The following C19orf18 variants were observed in gnomAD, a reference collection of about 807,000 sequenced individuals.
C19orf18 encodes uncharacterized protein C19orf18.
C19orf18 carries 21 observed loss-of-function variants against 23.3 expected under a neutral mutation model. The observed-to-expected ratio is 0.90, with a 90% CI of 0.64 to 1.30. C19orf18 has a LOEUF of 1.30. C19orf18 is among the 50% of genes most tolerant of loss of function. C19orf18 has a pLI of 0.00. For synonymous variants in C19orf18, 96 were observed against 95.2 expected (o/e 1.01, Z -0.05); for missense variants, 249 against 259.6 (o/e 0.96, Z 0.28).
At chr19:57,963,341 T>C (rs1235993963) in intron 4 of C19orf18, among the ~76,000 whole-genome samples, 1 of 151,892 alleles carries the variant, frequency 6.6e-6, no homozygotes, top group Non-Finnish European at 1.5e-5. Context: ...TAACTCAGTA[T>C]TTTTAAAAAT....
chr19:57,974,056 G>A, intron 2 of C19orf18, 43 bp downstream of exon 2: 1 of 1,582,670 alleles, frequency 6.3e-7, no homozygotes, highest in East Asian at 2.2e-5. Flanking sequence ...AGGACTCCAG[G>A]CTACGATTCT....
chr19:57,966,101 C>T (rs951703295), intron 4 of C19orf18, among the ~76,000 whole-genome samples: 1 of 151,896 alleles, frequency 6.6e-6, no homozygotes, highest in Admixed American at 6.6e-5. Context: ...CCTCAGCCTC[C>T]CGAGGAGCCG....
rs555978536 is a variant in C19orf18, at chr19:57,970,511, C to T, written c.268+1952G>A. ...AAACTCTGTACTTAATCATATTTGT[C>T]GAACTTCATTATTTAAGCTTGGCAG... On this transcript the variant is annotated intron_variant, in intron 3 of 5. Coordinates refer to ENST00000314391, the MANE Select transcript of C19orf18 (RefSeq NM_152474.5). 1.2e-4 allele frequency among the ~76,000 whole-genome samples: 19 copies of T among 152,132 alleles called. No homozygotes were observed. In the East Asian group the frequency reaches 3.7e-3, roughly 29 times the overall value.
chr19:57,958,862 C>T (rs1223911928), intron 5 of C19orf18, 145 bp from the exon 6 acceptor site: 3 of 513,850 alleles, frequency 5.8e-6, no homozygotes, highest in Non-Finnish European at 1.0e-5. Flanking sequence ...ATTTGTCTGA[C>T]AAGGATGGTG....
chr19:57,974,219 T>G lies in C19orf18; in HGVS notation c.122-16A>C. ...CGTTTACTGCCTTGAAAAGAAAACT[T>G]TTTGCGGTGAAATGTAATTACCTTC... On this transcript the variant is annotated splice_polypyrimidine_tract_variant and intron_variant, in intron 1 of 5. Coordinates refer to ENST00000314391, the MANE Select transcript of C19orf18 (RefSeq NM_152474.5). 1 of 1,613,702 alleles carries G rather than the reference T, an allele frequency of 6.2e-7. No individual in the cohort carries two copies. The highest frequency in any genetic ancestry group is 8.5e-7 in the Non-Finnish European group (1 of 1,179,902).
In C19orf18 at chr19:57,961,678, C is replaced by T; in HGVS notation, c.372-127G>A. On this transcript the variant is annotated intron_variant, in intron 4 of 5. Coordinates refer to ENST00000314391, the MANE Select transcript of C19orf18 (RefSeq NM_152474.5). ...TGGGTGCAGACATAAGACTTTGAAA[C>T]CAGACTAATCATGGTCAGCTCTCAA... The T allele has an allele frequency of 3.0e-6, 3 of 1,005,840 alleles. No individual in the cohort carries two copies. The South Asian group carries it at 4.7e-5, about 16-fold the overall frequency. The allele number at this position is 1,005,840 out of a possible 1,614,324, so 62.3% of individuals were successfully genotyped here.
chr19:57,967,597 C>A (rs545566039), intron 3 of C19orf18, among the ~76,000 whole-genome samples: 1 of 151,990 alleles, frequency 6.6e-6, no homozygotes, highest in African/African-American at 2.4e-5. Context: ...TACAAAAATA[C>A]AAAAATTCAT....
At position 57,974,450 on chromosome 19, in the gene C19orf18, T is replaced by C; in HGVS notation, c.-18A>G. ...TTGTCCATCACTCTCAAATTATCAG[T>C]ATTTTATCCCGTAGATGAAAGGAAA... On this transcript the variant is annotated 5_prime_UTR_variant, in exon 1 of 6. It adds an upstream start codon to the 5' untranslated region. Coordinates refer to ENST00000314391, the MANE Select transcript of C19orf18 (RefSeq NM_152474.5). 6.3e-7 allele frequency: 1 copy of C among 1,599,846 alleles called. No homozygotes were observed.
chr19:57,964,328 A>G (rs1319432643), intron 4 of C19orf18, among the ~76,000 whole-genome samples: 1 of 152,174 alleles, frequency 6.6e-6, no homozygotes, highest in Non-Finnish European at 1.5e-5. Context: ...GTCGCCCAGG[A>G]GGAAGTGCAG....
At chr19:57,966,213 A>G (rs1365754378) in intron 4 of C19orf18, among the ~76,000 whole-genome samples, 1 of 151,952 alleles carries the variant, frequency 6.6e-6, no homozygotes, top group Non-Finnish European at 1.5e-5. Flanking sequence ...TCCTGACCTC[A>G]TGATCCACCC....
chr19:57,974,486 C>G lies in C19orf18; in HGVS notation c.-54G>C. 2 of 1,596,698 alleles carry G rather than the reference C, an allele frequency of 1.3e-6. No individual in the cohort carries two copies. The highest frequency in any genetic ancestry group is 1.7e-6 in the Non-Finnish European group (2 of 1,168,110). ...GTAGATGAAAGGAAATACTTAGCTA[C>G]AGTCCAGCATCTGTCCTCTATTTAT... On this transcript the variant is annotated 5_prime_UTR_variant, in exon 1 of 6. Transcript: ENST00000314391.
intron 3 of C19orf18, among the ~76,000 whole-genome samples, chr19:57,970,202 T>C (rs1361413766): frequency 2.0e-5 from 3 of 152,216 alleles, no homozygotes; most frequent in Non-Finnish European, 4.4e-5. Flanking sequence ...TTCTGCCTTT[T>C]TTCCTGTAAA....
chr19:57,974,514 G>T lies in C19orf18; in HGVS notation c.-82C>A. On this transcript the variant is annotated 5_prime_UTR_variant, in exon 1 of 6. Coordinates refer to ENST00000314391, the MANE Select transcript of C19orf18 (RefSeq NM_152474.5). Reference sequence around the variant, plus strand: ...TCCAGCATCTGTCCTCTATTTATCTGAGGAATCAAGAAGTTCTACTCCCTT... The same window carrying T: ...TCCAGCATCTGTCCTCTATTTATCTTAGGAATCAAGAAGTTCTACTCCCTT... 6.5e-7 allele frequency: 1 copy of T among 1,541,062 alleles called. No homozygotes were observed. Among genetic ancestry groups the T allele is most frequent in the South Asian group, 1.2e-5 (1 of 85,286 alleles).
chr19:57,970,849 T>A (rs2072940133), intron 3 of C19orf18, among the ~76,000 whole-genome samples: 1 of 152,264 alleles, frequency 6.6e-6, no homozygotes, highest in South Asian at 2.1e-4. Flanking sequence ...CATGAGCCTG[T>A]ACTGCACCCG....
chr19:57,960,913 C>T (rs901261536), intron 5 of C19orf18, among the ~76,000 whole-genome samples: 1 of 152,166 alleles, frequency 6.6e-6, no homozygotes, highest in African/African-American at 2.4e-5. Context: ...GGCGCGGTGG[C>T]TCACGCCTGT....
rs568833080 is a variant in C19orf18, at chr19:57,973,799, C to A, written c.226+300G>T. On this transcript the variant is annotated intron_variant, in intron 2 of 5. Transcript: ENST00000314391. The stretch of plus-strand genomic sequence containing the variant: ...GTGTCTAGACTTGCATGCTCTACTG[C>A]CAAATGTGCACCAAATTCAAGTCAG... Among the ~76,000 whole-genome samples, 6 of 151,934 alleles carry A rather than the reference C, an allele frequency of 3.9e-5. No homozygotes were observed. In the East Asian group the frequency reaches 1.2e-3, roughly 29 times the overall value.
intron 4 of C19orf18, among the ~76,000 whole-genome samples, chr19:57,964,689 C>T (rs1432188827): frequency 6.6e-6 from 1 of 152,170 alleles, no homozygotes; most frequent in Non-Finnish European, 1.5e-5. Flanking sequence ...TGTCACTTTG[C>T]CTTCATGTGA....
chr19:57,971,330 C>T (rs1051545821), intron 3 of C19orf18, among the ~76,000 whole-genome samples: 4 of 151,992 alleles, frequency 2.6e-5, no homozygotes, highest in African/African-American at 9.7e-5. Flanking sequence ...CCTCATGCTC[C>T]AGGCCACCAT....
intron 3 of C19orf18, among the ~76,000 whole-genome samples, chr19:57,969,576 A>AAAAAAAAAAAAAAAAAAAAG: frequency 8.0e-6 from 1 of 124,976 alleles, no homozygotes; most frequent in African/African-American, 2.6e-5. Flanking sequence ...GAAAAAAAAA[A>AAAAAAAAAAAAAAAAAAAAG]AAAAAAAAAA....
Sources: allele counts gnomAD v4.1 joint callset (sites outside exome capture counted in the v4.1 genomes callset), GRCh38; gene constraint gnomAD v4.1.1; transcripts MANE v1.5; gene names NCBI Gene and HGNC (gene_info 2026-07-23, HGNC 2026-07-21).